Variants in PARG observed in about 807,000 individuals in gnomAD.
PARG encodes the protein poly(ADP-ribose) glycohydrolase, also known as mitochondrial poly(ADP-ribose) glycohydrolase.
In PARG, 35 loss-of-function variants were observed where a neutral mutation model predicts 113.0. That is an observed-to-expected ratio of 0.31 (90% CI 0.24 to 0.41). The LOEUF (loss-of-function observed/expected upper bound fraction) is 0.41, where lower values mean the gene tolerates loss of function less well. Ranked by LOEUF, PARG falls within the 10% of genes least tolerant of loss-of-function variation. The probability of loss-of-function intolerance (pLI) is 1.00; values close to 1 mark genes in which losing one functional copy is unlikely to be tolerated. For missense variants in PARG, 797 were observed against 1,169.4 expected, an observed-to-expected ratio of 0.68 and a Z score of 4.64; for synonymous variants, 330 against 409.9, an observed-to-expected ratio of 0.81 and a Z score of 2.36.
At chr10:49,941,274 T>G (rs1318922334) in intron 1 of PARG, among the ~76,000 whole-genome samples, 10 of 152,310 alleles carry the variant, frequency 6.6e-5, no homozygotes, top group African/African-American at 2.4e-4. Flanking sequence ...TGGTGGAGTC[T>G]CCTGCCATTT....
intron 15 of PARG, among the ~76,000 whole-genome samples, chr10:49,838,550 A>C (rs1457230108): frequency 1.3e-5 from 2 of 152,110 alleles, no homozygotes; most frequent in Admixed American, 6.5e-5. Context: ...CAACTTCCTA[A>C]GAAGTGAACT....
At chr10:49,931,544 T>A (rs1838479805) in intron 4 of PARG, among the ~76,000 whole-genome samples, 1 of 151,924 alleles carries the variant, frequency 6.6e-6, no homozygotes, top group Admixed American at 6.5e-5. Flanking sequence ...GAGGACAGCT[T>A]CAGCTTCCCA....
rs183611206 is a variant in PARG, at chr10:49,836,960, T to G, written c.2542-4052A>C. 2.0e-3 allele frequency among the ~76,000 whole-genome samples: 301 copies of G among 152,344 alleles called. 3 individuals are homozygous for G. Among genetic ancestry groups the G allele is most frequent in the African/African-American group, 7.0e-3 (291 of 41,566 alleles). On this transcript the variant is annotated intron_variant, in intron 15 of 17. Transcript: ENST00000616448. ...CAAATACAACTTTTCACAAGTGATT[T>G]GTTTCTTCTCTTGCAGTGCTATTTG...
At chr10:49,861,223 T>C (rs1846235960) in intron 12 of PARG, among the ~76,000 whole-genome samples, 3 of 149,976 alleles carry the variant, frequency 2.0e-5, no homozygotes, top group African/African-American at 7.3e-5. Flanking sequence ...GAAGAGCCTT[T>C]AAGGAAAAAG....
intron 7 of PARG, among the ~76,000 whole-genome samples, chr10:49,913,123 T>TA (rs1837290163): frequency 6.6e-6 from 1 of 152,242 alleles, no homozygotes; most frequent in Non-Finnish European, 1.5e-5. Context: ...GTCTGACACT[T>TA]ACTTCTCACT....
chr10:49,904,544 G>T (rs1240240336), intron 7 of PARG, among the ~76,000 whole-genome samples: 1 of 151,944 alleles, frequency 6.6e-6, no homozygotes, highest in Non-Finnish European at 1.5e-5. Flanking sequence ...GATAATGGGG[G>T]AGGGTGTGCA....
rs1164685948 is a variant in PARG, at chr10:49,842,070, A to C, written c.2433-12T>G. ...GCTGCCAGTCGTCCCTGGGACAGGA[A>C]GGAAAGGGGAGAAAAGATAAGGAAC... On this transcript the variant is annotated splice_polypyrimidine_tract_variant and intron_variant, in intron 14 of 17. Coordinates refer to ENST00000616448, the MANE Select transcript of PARG (RefSeq NM_003631.5). The C allele has an allele frequency of 2.6e-6, 4 of 1,522,292 alleles. No homozygotes were observed. The Admixed American group carries it at 7.8e-5, about 30-fold the overall frequency. The allele number at this position is 1,522,292 out of a possible 1,614,324, so 94.3% of individuals were successfully genotyped here. A position where few individuals can be genotyped will look rare whatever the true frequency, so the allele number is the denominator to read the frequency against.
intron 1 of PARG, among the ~76,000 whole-genome samples, chr10:49,940,017 T>C (rs1323068327): frequency 2.6e-5 from 4 of 152,260 alleles, no homozygotes; most frequent in Non-Finnish European, 5.9e-5. Flanking sequence ...AACTTTGGTG[T>C]TCCTAAGGCA....
rs369755525 is a variant in PARG at position 49,843,637 on chromosome 10, A to C, written c.2354-5T>G. Reference sequence around the variant, plus strand: ...ATTCACTGTACTGCTCAGTACCTGAAACAAACAATCTGTCACTATTAACTT... The same window carrying C: ...ATTCACTGTACTGCTCAGTACCTGACACAAACAATCTGTCACTATTAACTT... On this transcript the variant is annotated splice_region_variant and splice_polypyrimidine_tract_variant and intron_variant, in intron 13 of 17. Transcript: ENST00000616448. The C allele has an allele frequency of 8.4e-6, 13 of 1,540,408 alleles. No individual in the cohort carries two copies. The African/African-American group carries it at 1.5e-4, about 18-fold the overall frequency.
At chr10:49,842,628 G>A (rs1392708247) in intron 14 of PARG, among the ~76,000 whole-genome samples, 1 of 152,188 alleles carries the variant, frequency 6.6e-6, no homozygotes, top group African/African-American at 2.4e-5. Context: ...ACAATACCAT[G>A]TTGCCTGTGG....
intron 11 of PARG, among the ~76,000 whole-genome samples, chr10:49,863,111 C>T (rs1474013986): frequency 4.0e-5 from 6 of 150,956 alleles, no homozygotes; most frequent in African/African-American, 1.5e-4. Context: ...TCATCCTCTA[C>T]ACCCCCGCCC....
At chr10:49,903,585 T>C (rs566458742) in intron 7 of PARG, among the ~76,000 whole-genome samples, 271 of 152,308 alleles carry the variant, frequency 1.8e-3, no homozygotes, top group Non-Finnish European at 3.3e-3. Context: ...TGATGCCTAA[T>C]GTAACAAGTA....
chr10:49,824,018 C>T (rs1339693173), intron 16 of PARG, among the ~76,000 whole-genome samples: 1 of 152,168 alleles, frequency 6.6e-6, no homozygotes, highest in Non-Finnish European at 1.5e-5. Context: ...AGCCTTCTGC[C>T]AGCTATCTAG....
intron 8 of PARG, among the ~76,000 whole-genome samples, chr10:49,881,758 T>C (rs1847227592): frequency 6.6e-6 from 1 of 152,220 alleles, no homozygotes; most frequent in African/African-American, 2.4e-5. Flanking sequence ...ACTATTTCTC[T>C]TGGAAAAATT....
At chr10:49,876,886 T>G (rs1275120654) in intron 9 of PARG, among the ~76,000 whole-genome samples, 1 of 151,364 alleles carries the variant, frequency 6.6e-6, no homozygotes, top group Non-Finnish European at 1.5e-5. Context: ...AAAAATAGAT[T>G]AAAAATATGC....
intron 15 of PARG, among the ~76,000 whole-genome samples, chr10:49,841,220 T>C (rs2132443405): frequency 1.3e-5 from 2 of 150,694 alleles, no homozygotes; most frequent in Middle Eastern, 6.8e-3. Flanking sequence ...GCCATTGCAC[T>C]CCAGCCTGGG....
At position 49,894,753 on chromosome 10, in the gene PARG, CAT is replaced by C. The variant is rs774369037; in HGVS notation, c.1738-9460_1738-9459del. Among the ~76,000 whole-genome samples the C allele has an allele frequency of 1.7e-4, 26 of 152,172 alleles. No individual in the cohort carries two copies. In the South Asian group the frequency reaches 1.9e-3, roughly 11 times the overall value. On this transcript the variant is annotated intron_variant, in intron 7 of 17. Coordinates refer to ENST00000616448, the MANE Select transcript of PARG (RefSeq NM_003631.5). ...ATCAATTTGATTGTTATGTCAGTAT[CAT>C]ATTGTATTCATTTCCTTGAGCTGCT...
At chr10:49,896,580 C>T (rs1222873290) in intron 7 of PARG, among the ~76,000 whole-genome samples, 23 of 152,284 alleles carry the variant, frequency 1.5e-4, no homozygotes, top group East Asian at 5.8e-4. Flanking sequence ...CCATCACTCC[C>T]GGCCTGCTAA....
chr10:49,821,060 A>G (rs1588853484), intron 16 of PARG, among the ~76,000 whole-genome samples: 1 of 152,060 alleles, frequency 6.6e-6, no homozygotes, highest in Non-Finnish European at 1.5e-5. Context: ...TGGGGAGCAC[A>G]CCTGCGTCCC....
Sources: allele counts gnomAD v4.1 joint callset (sites outside exome capture counted in the v4.1 genomes callset), GRCh38; gene constraint gnomAD v4.1.1; transcripts MANE v1.5; gene names NCBI Gene and HGNC (gene_info 2026-07-23, HGNC 2026-07-21).